The following CLNS1A variants were observed in gnomAD, a reference collection of about 807,000 sequenced individuals.
CLNS1A encodes chloride nucleotide-sensitive channel 1A, also known as methylosome subunit pICln.
A neutral mutation model predicts 29.4 loss-of-function variants in CLNS1A; 16 were observed. The observed-to-expected ratio is 0.54, with a 90% CI of 0.37 to 0.83. The LOEUF (loss-of-function observed/expected upper bound fraction) is 0.83. Among genes scored for constraint, CLNS1A ranks in the 40% least tolerant of loss-of-function variants. The pLI is 0.00. For synonymous variants in CLNS1A, 96 were observed against 104.8 expected (o/e 0.92, Z 0.51); for missense variants, 235 against 287.4 (o/e 0.82, Z 1.32).
intron 1 of CLNS1A, among the ~76,000 whole-genome samples, chr11:77,637,330 GA>G (rs796606949): frequency 1.0e-3 from 86 of 84,088 alleles, no homozygotes; most frequent in African/African-American, 4.8e-3. Flanking sequence ...AGAGAAAGAG[GA>G]AAAAAAGAAA....
At chr11:77,629,299 G>A (rs765537877) in intron 2 of CLNS1A, among the ~76,000 whole-genome samples, 49 of 152,118 alleles carry the variant, frequency 3.2e-4, no homozygotes, top group Non-Finnish European at 6.0e-4. Context: ...AACTTCAAGT[G>A]TCCAAGTTGC....
intron 4 of CLNS1A, 39 bp downstream of exon 4, chr11:77,624,924 A>C (rs1959000372): frequency 7.3e-7 from 1 of 1,365,258 alleles, no homozygotes; most frequent in Non-Finnish European, 1.0e-6. Flanking sequence ...TGAAACACTA[A>C]ACAAACAAAA....
chr11:77,621,726 T>C lies in CLNS1A; in HGVS notation c.646+774A>G. 1.1e-5 allele frequency: 3 copies of C among 280,970 alleles called. No individual in the cohort carries two copies. In the South Asian group the frequency reaches 1.1e-4, roughly 11 times the overall value. The allele number at this position is 280,970 out of a possible 1,614,324, so 17.4% of individuals were successfully genotyped here. A position where few individuals can be genotyped will look rare whatever the true frequency, so the allele number is the denominator to read the frequency against. ...TGTCCAGATAGTTGGTCAAACATTA[T>C]TCTAGATGTTTCTGTGGAGGTTATT... is the stretch of plus-strand genomic sequence containing the variant. On this transcript the variant is annotated intron_variant, in intron 5 of 6. Transcript: ENST00000525428.
At chr11:77,628,874 G>C (rs143022624) in intron 2 of CLNS1A, among the ~76,000 whole-genome samples, 1 of 152,140 alleles carries the variant, frequency 6.6e-6, no homozygotes, top group African/African-American at 2.4e-5. Context: ...CTGACATTTG[G>C]ATGGAATAAT....
intron 4 of CLNS1A, among the ~76,000 whole-genome samples, chr11:77,622,896 C>T (rs919791126): frequency 3.4e-5 from 5 of 148,924 alleles, no homozygotes; most frequent in East Asian, 2.0e-4. Flanking sequence ...TGCAGTGAAC[C>T]GAGATCACGC....
chr11:77,624,508 G>A (rs751509051), intron 4 of CLNS1A, among the ~76,000 whole-genome samples: 32 of 151,956 alleles, frequency 2.1e-4, no homozygotes, highest in African/African-American at 5.8e-4. Context: ...GTGTTCTACC[G>A]TGTCATTCTA....
At chr11:77,635,454 C>G (rs1461811973) in intron 1 of CLNS1A, among the ~76,000 whole-genome samples, 1 of 151,380 alleles carries the variant, frequency 6.6e-6, no homozygotes, top group African/African-American at 2.4e-5. Context: ...CGGGTTCAAG[C>G]GATTCTCCTG....
chr11:77,625,764 ACAT>A lies in CLNS1A; in HGVS notation c.314_316del (p.Asp105del), dbSNP rs1379039576. The A allele has an allele frequency of 1.9e-6, 3 of 1,611,424 alleles. No homozygotes were observed. The highest frequency in any genetic ancestry group is 1.7e-5 in the Admixed American group (1 of 59,970). On this transcript the variant is annotated inframe_deletion, in exon 3 of 7. Coordinates refer to ENST00000525428, the MANE Select transcript of CLNS1A (RefSeq NM_001293.3). ...AAATCTAAATTCAGTAATAGGTTCA[ACAT>A]CATCATCACTGTCTTCCTCTTCTTC...
intron 4 of CLNS1A, among the ~76,000 whole-genome samples, chr11:77,624,559 C>T (rs938147526): frequency 6.6e-6 from 1 of 152,186 alleles, no homozygotes; most frequent in Non-Finnish European, 1.5e-5. Context: ...GTGGCTCACA[C>T]CTGTAATCCC....
chr11:77,620,462 C>G (rs1222785940), intron 5 of CLNS1A, among the ~76,000 whole-genome samples: 1 of 152,152 alleles, frequency 6.6e-6, no homozygotes, highest in Non-Finnish European at 1.5e-5. Context: ...TTGAGTATGT[C>G]TTTATCAGCA....
chr11:77,628,234 G>T (rs1219837913), intron 2 of CLNS1A, among the ~76,000 whole-genome samples: 1 of 152,148 alleles, frequency 6.6e-6, no homozygotes, highest in Non-Finnish European at 1.5e-5. Context: ...TCCAATGGCC[G>T]TCACTATTTG....
At chr11:77,633,000 T>C (rs935001281) in intron 1 of CLNS1A, among the ~76,000 whole-genome samples, 6 of 151,008 alleles carry the variant, frequency 4.0e-5, no homozygotes, top group African/African-American at 7.3e-5. Context: ...GGCAGGAGAA[T>C]TGGTTGAATC....
Position 77,629,798 on chromosome 11 carries a change from T to C in CLNS1A, c.227A>G (p.Glu76Gly). The C allele has an allele frequency of 6.2e-7, 1 of 1,613,166 alleles. No individual in the cohort carries two copies. Among genetic ancestry groups the C allele is most frequent in the South Asian group, 1.1e-5 (1 of 91,030 alleles). ...LSRDRSDCLGEHLYVMVNAKF... is the reference protein window; with the variant it reads ...LSRDRSDCLGGHLYVMVNAKF... ...GGCATTCACCATAACATACAAATGC[T>C]CTCCTAGACAGTCACTTCGGTCCCT... Residue 76 changes from glutamate (E) to glycine (G), a missense_variant, in exon 2 of 7, where the codon GAG becomes GGG. Glu to Gly is a moderately conservative substitution (Grantham distance 98). Transcript: ENST00000525428.
At position 77,637,673 on chromosome 11, in the gene CLNS1A, C is replaced by T. The variant is rs1224811349; in HGVS notation, c.42G>A (p.Glu14=). The T allele has an allele frequency of 1.3e-6, 2 of 1,568,092 alleles. No individual in the cohort carries two copies. The highest frequency in any genetic ancestry group is 1.4e-5 in the African/African-American group (1 of 73,594). The change falls in exon 1 of 7, where the codon GAG becomes GAA. Residue 14 remains glutamate, a synonymous_variant. Coordinates refer to ENST00000525428, the MANE Select transcript of CLNS1A (RefSeq NM_001293.3). ...TGTCTGGCTGCTGCCGCAGGAGCCC[C>T]TCCGCTGGCCCAGGCGGCGGGAAAC... ...LKSFPPPGPA[E]GLLRQQPDTE... is the part of the protein sequence containing the mutation.
At chr11:77,621,943 C>T in intron 5 of CLNS1A, 8 of 456,150 alleles carry the variant, frequency 1.8e-5, no homozygotes, top group South Asian at 1.2e-4. Context: ...CTCTGGGTCT[C>T]CAGTCTGCCG....
chr11:77,621,646 G>GAAAA lies in CLNS1A; in HGVS notation c.646+850_646+853dup, dbSNP rs753992811. Among the ~76,000 whole-genome samples, 36 of 152,088 alleles carry GAAAA rather than the reference G, an allele frequency of 2.4e-4. No individual in the cohort carries two copies. The East Asian group carries it at 6.6e-3, about 28-fold the overall frequency. On this transcript the variant is annotated intron_variant, in intron 5 of 6. Transcript: ENST00000525428. ...CAACAAGAGCGAAACTCCATCTTAA[G>GAAAA]AAAAAAAGAAGGGTGTGATAGTTAA...
rs1165210592 is a variant in CLNS1A at position 77,629,917 on chromosome 11, A to C, written c.126-18T>G. The C allele has an allele frequency of 1.2e-6, 2 of 1,613,046 alleles. No individual in the cohort carries two copies. The highest frequency in any genetic ancestry group is 8.5e-7 in the Non-Finnish European group (1 of 1,179,260). On this transcript the variant is annotated intron_variant, in intron 1 of 6. Transcript: ENST00000525428. ...ACAGGCGGCTGAAAAACATGTTTTA[A>C]GTAGATTATTTTTAGAAAGTAAATC... is the stretch of plus-strand genomic sequence containing the variant.
intron 1 of CLNS1A, among the ~76,000 whole-genome samples, chr11:77,633,157 C>G (rs1452870345): frequency 2.0e-5 from 3 of 150,590 alleles, no homozygotes; most frequent in Admixed American, 6.6e-5. Flanking sequence ...TGAACAAATA[C>G]CTATTAACAA....
chr11:77,622,260 T>C (rs1207503500), intron 5 of CLNS1A, among the ~76,000 whole-genome samples: 2 of 152,188 alleles, frequency 1.3e-5, no homozygotes, highest in African/African-American at 4.8e-5. Context: ...TCACTTCTAC[T>C]TTCTTGCGCA....
Sources: gnomAD v4.1 joint callset for allele counts (sites outside exome capture counted in the v4.1 genomes callset) on GRCh38, gnomAD v4.1.1 for gene constraint, MANE v1.5 for transcripts, NCBI Gene and HGNC (gene_info 2026-07-23, HGNC 2026-07-21) for gene names.